The following PHF24 variants were observed in gnomAD, a reference collection of about 807,000 sequenced individuals.
The protein encoded by PHF24 is Galpha inhibitory interacting protein.
A neutral mutation model predicts 42.6 loss-of-function variants in PHF24; 25 were observed. That is an observed-to-expected ratio of 0.59 (90% confidence interval 0.43 to 0.82). The LOEUF is 0.82. PHF24 is among the 40% of genes least tolerant of loss of function. The pLI, the probability that PHF24 is intolerant of heterozygous loss-of-function variation, is 0.00. For synonymous variants in PHF24, 185 were observed against 204.8 expected (o/e 0.90, Z 0.83); for missense variants, 470 against 538.1 (o/e 0.87, Z 1.25).
the PHF24 span, among the ~76,000 whole-genome samples, chr9:34,688,700 T>TGAG: frequency 6.6e-6 from 1 of 152,176 alleles, no homozygotes; most frequent in African/African-American, 2.4e-5. Flanking sequence ...TCAGTTTGGC[T>TGAG]GAGAGAGGAA....
At chr9:34,891,290 C>T in the PHF24 span, among the ~76,000 whole-genome samples, 1 of 152,238 alleles carries the variant, frequency 6.6e-6, no homozygotes, top group Admixed American at 6.5e-5. Context: ...CGCCAAGTTG[C>T]TTCCCAGGCC....
chr9:34,850,335 G>A, the PHF24 span, among the ~76,000 whole-genome samples: 226 of 151,754 alleles, frequency 1.5e-3, 1 homozygote, highest in African/African-American at 5.1e-3. Flanking sequence ...TTCCCTTCTC[G>A]CTTCATTTCA....
At chr9:34,916,645 G>A in the PHF24 span, among the ~76,000 whole-genome samples, 10 of 152,196 alleles carry the variant, frequency 6.6e-5, no homozygotes, top group Non-Finnish European at 1.3e-4. Flanking sequence ...TTAGGAGTAT[G>A]ACAATTTGCA....
the PHF24 span, among the ~76,000 whole-genome samples, chr9:34,844,520 C>G: frequency 2.0e-5 from 3 of 152,050 alleles, no homozygotes. Context: ...TTTCTAATTT[C>G]CCTTGTGATT....
At chr9:34,716,560 T>TTTTGC in the PHF24 span, among the ~76,000 whole-genome samples, 3 of 106,604 alleles carry the variant, frequency 2.8e-5, no homozygotes, top group African/African-American at 6.6e-5. Context: ...GTTTGTTTTG[T>TTTTGC]TTTGCTTTGT....
At chr9:34,826,654 C>T in the PHF24 span, among the ~76,000 whole-genome samples, 39 of 152,170 alleles carry the variant, frequency 2.6e-4, no homozygotes, top group African/African-American at 9.2e-4. Flanking sequence ...TGCTGGTGGT[C>T]GGTTTCCTGA....
chr9:34,903,025 G>A, the PHF24 span, among the ~76,000 whole-genome samples: 20 of 152,214 alleles, frequency 1.3e-4, no homozygotes, highest in Non-Finnish European at 2.6e-4. Context: ...CCTGTTATAC[G>A]CCTCACCTCA....
At chr9:34,724,990 A>C in the PHF24 span, 8 of 1,381,950 alleles carry the variant, frequency 5.8e-6, no homozygotes, top group Middle Eastern at 3.7e-4. Flanking sequence ...TACCTGGTAA[A>C]GCCTGTTGCT....
the PHF24 span, among the ~76,000 whole-genome samples, chr9:34,879,645 G>A: frequency 6.6e-6 from 1 of 152,128 alleles, no homozygotes; most frequent in African/African-American, 2.4e-5. Context: ...GAGAAGAGAA[G>A]TTTAGAGAAA....
chr9:34,781,198 A>G, the PHF24 span, among the ~76,000 whole-genome samples: 3 of 152,264 alleles, frequency 2.0e-5, no homozygotes, highest in Non-Finnish European at 4.4e-5. Context: ...GCATAATTCA[A>G]CAATAACCAG....
At chr9:34,894,983 T>C in the PHF24 span, 5 of 398,296 alleles carry the variant, frequency 1.3e-5, no homozygotes, top group Non-Finnish European at 2.2e-5. Flanking sequence ...AGGGTCAGGA[T>C]CCGTGGGAAC....
chr9:34,694,373 C>T, the PHF24 span, among the ~76,000 whole-genome samples: 7 of 151,756 alleles, frequency 4.6e-5, no homozygotes, highest in Non-Finnish European at 8.8e-5. Context: ...CCTTGTCACC[C>T]AGGCTGGAGT....
chr9:34,832,696 T>C, the PHF24 span: 1 of 1,544,488 alleles, frequency 6.5e-7, no homozygotes, highest in Non-Finnish European at 8.8e-7. Context: ...AGGCTGGGCT[T>C]CTTTTGAGTA....
the PHF24 span, among the ~76,000 whole-genome samples, chr9:34,751,152 G>A: frequency 6.6e-6 from 1 of 152,144 alleles, no homozygotes; most frequent in Non-Finnish European, 1.5e-5. Context: ...ATCACCTGAT[G>A]TCATGAGTTC....
At chr9:34,730,050 A>T in the PHF24 span, among the ~76,000 whole-genome samples, 7 of 152,254 alleles carry the variant, frequency 4.6e-5, no homozygotes, top group African/African-American at 1.7e-4. Flanking sequence ...AAGCTTGCAG[A>T]TGGGTTGGGA....
chr9:34,767,846 G>A, the PHF24 span, among the ~76,000 whole-genome samples: 17 of 152,202 alleles, frequency 1.1e-4, no homozygotes, highest in African/African-American at 3.9e-4. Flanking sequence ...CGGCCATCTT[G>A]GCTGCCCCCA....
the PHF24 span, among the ~76,000 whole-genome samples, chr9:34,862,987 G>T: frequency 7.9e-5 from 12 of 151,906 alleles, no homozygotes; most frequent in Non-Finnish European, 1.5e-5. Context: ...GGCCATAAGT[G>T]TACATCAGCA....
the PHF24 span, among the ~76,000 whole-genome samples, chr9:34,796,382 A>C: frequency 6.6e-6 from 1 of 151,650 alleles, no homozygotes; most frequent in African/African-American, 2.4e-5. Context: ...ATTTCATCAA[A>C]ATAAAATTTC....
At chr9:34,748,753 GAGA>G in the PHF24 span, among the ~76,000 whole-genome samples, 1 of 152,122 alleles carries the variant, frequency 6.6e-6, no homozygotes, top group Non-Finnish European at 1.5e-5. Flanking sequence ...AGCCCAAACT[GAGA>G]AGACTACAAT....
Sources: gnomAD v4.1 joint callset for allele counts (sites outside exome capture counted in the v4.1 genomes callset) on GRCh38, gnomAD v4.1.1 for gene constraint, MANE v1.5 for transcripts, NCBI Gene and HGNC (gene_info 2026-07-23, HGNC 2026-07-21) for gene names.